The following BMP2K variants were observed in gnomAD, a reference collection of about 807,000 sequenced individuals.
BMP2K encodes the protein BMP-2-inducible protein kinase.
Under a neutral mutation model 116.0 loss-of-function variants are expected in BMP2K, and 74 were observed. The ratio of observed to expected loss-of-function variants is 0.64; its 90% CI spans 0.53 to 0.77. BMP2K has a LOEUF of 0.77. Ranked by LOEUF, BMP2K falls within the 30% of genes least tolerant of loss-of-function variation. The pLI is 0.00. For synonymous variants in BMP2K, 486 were observed against 502.5 expected, an observed-to-expected ratio of 0.97 and a Z score of 0.44; for missense variants, 1,365 against 1,403.6, an observed-to-expected ratio of 0.97 and a Z score of 0.44.
At chr4:78,880,614 C>G (rs1012887946) in intron 14 of BMP2K, among the ~76,000 whole-genome samples, 2 of 152,092 alleles carry the variant, frequency 1.3e-5, no homozygotes, top group Non-Finnish European at 2.9e-5. Flanking sequence ...GTAATGACAT[C>G]AAAGTAGTTT....
intron 1 of BMP2K, among the ~76,000 whole-genome samples, chr4:78,788,208 A>T (rs1359894882): frequency 2.6e-5 from 4 of 152,054 alleles, no homozygotes; most frequent in African/African-American, 4.8e-5. Flanking sequence ...CAGAAAAAAA[A>T]AGTTGCTACT....
At chr4:78,867,547 T>C (rs1560536378) in intron 10 of BMP2K, among the ~76,000 whole-genome samples, 1 of 152,198 alleles carries the variant, frequency 6.6e-6, no homozygotes, top group Non-Finnish European at 1.5e-5. Context: ...TGCATTTTTT[T>C]TTAACATTTC....
Position 78,865,424 on chromosome 4 carries a change from A to G in BMP2K, c.1068-133A>G, listed in dbSNP as rs1731995984. 6.3e-6 allele frequency: 5 copies of G among 797,158 alleles called. No homozygotes were observed. In the East Asian group the frequency reaches 1.3e-4, roughly 22 times the overall value. 49.4% of individuals were successfully genotyped at this position (797,158 alleles called of 1,614,324 possible). ...CGTTTAATACTTGAAAATGAGCCTT[A>G]GGAGAAAGATGAGGACTAATGCGAT... On this transcript the variant is annotated intron_variant, in intron 9 of 15. Transcript: ENST00000502613.
chr4:78,894,771 T>C (rs1028751605), intron 15 of BMP2K, among the ~76,000 whole-genome samples: 1 of 152,230 alleles, frequency 6.6e-6, no homozygotes, highest in Admixed American at 6.5e-5. Context: ...CTATCTCAGC[T>C]TTCAGCGTGC....
At chr4:78,893,958 C>G (rs1406713488) in intron 15 of BMP2K, among the ~76,000 whole-genome samples, 1 of 152,180 alleles carries the variant, frequency 6.6e-6, no homozygotes, top group Non-Finnish European at 1.5e-5. Context: ...TCTTCTTGTA[C>G]TTCTCCATCA....
intron 8 of BMP2K, among the ~76,000 whole-genome samples, chr4:78,860,717 A>T (rs1012846632): frequency 2.8e-4 from 40 of 141,980 alleles, no homozygotes; most frequent in Admixed American, 5.7e-4. Flanking sequence ...GGTTTCCTTT[A>T]TGTGTAACTT....
intron 1 of BMP2K, among the ~76,000 whole-genome samples, chr4:78,781,807 A>G (rs962418119): frequency 1.3e-5 from 2 of 152,142 alleles, no homozygotes; most frequent in African/African-American, 4.8e-5. Flanking sequence ...AGTGATACAG[A>G]TGCTGCCGGT....
intron 5 of BMP2K, among the ~76,000 whole-genome samples, chr4:78,845,511 T>TA (rs1282889402): frequency 5.9e-5 from 9 of 151,616 alleles, no homozygotes. Context: ...TCATCACTGT[T>TA]ACTTTGTAAT....
chr4:78,783,426 T>C (rs750011703), intron 1 of BMP2K, among the ~76,000 whole-genome samples: 5 of 152,228 alleles, frequency 3.3e-5, no homozygotes, highest in Non-Finnish European at 7.3e-5. Flanking sequence ...AAGGACAAGC[T>C]ACTGACACTA....
chr4:78,886,673 G>A (rs1469099594), intron 14 of BMP2K, among the ~76,000 whole-genome samples: 1 of 151,740 alleles, frequency 6.6e-6, no homozygotes, highest in Admixed American at 6.6e-5. Flanking sequence ...GTGTGTGTGC[G>A]AGAGAGAGAA....
In BMP2K at chr4:78,910,837, G is replaced by T. The variant is rs1332063411; in HGVS notation, c.2290G>T (p.Val764Phe). Reference protein sequence around the residue: ...SEEEEQDDEEVLQGEQGDFND... With the variant: ...SEEEEQDDEEFLQGEQGDFND... Reference sequence around the variant, plus strand: ...AGAGGAAGAGCAAGATGATGAAGAAGTTCTTCAGGGGGAACAAGGAGATTT... The same window carrying T: ...AGAGGAAGAGCAAGATGATGAAGAATTTCTTCAGGGGGAACAAGGAGATTT... Residue 764 changes from valine (V) to phenylalanine (F), a missense_variant, in exon 16 of 16, where the codon GTT (valine) becomes TTT (phenylalanine). Coordinates refer to ENST00000502613, the MANE Select transcript of BMP2K (RefSeq NM_198892.2). 6 of 1,613,948 alleles carry T rather than the reference G, an allele frequency of 3.7e-6. No homozygotes were observed. Among genetic ancestry groups the T allele is most frequent in the Non-Finnish European group, 4.2e-6 (5 of 1,179,856 alleles).
Position 78,912,789 on chromosome 4 carries a change from G to A in BMP2K, c.*756G>A, listed in dbSNP as rs1390233093. The stretch of plus-strand genomic sequence containing the variant: ...CAAATTAAAAAAATGGACTATCGTC[G>A]CACAGAAGCCTAGAACAAAAATATG... On this transcript the variant is annotated 3_prime_UTR_variant, in exon 16 of 16. Transcript: ENST00000502613. The A allele has an allele frequency of 9.9e-5, 15 of 151,534 alleles. No homozygotes were observed. The highest frequency in any genetic ancestry group is 1.9e-4 in the East Asian group (1 of 5,144). 9.4% of individuals were successfully genotyped at this position (151,534 alleles called of 1,614,324 possible). A position where few individuals can be genotyped will look rare whatever the true frequency, so the allele number is the denominator to read the frequency against.
At chr4:78,815,117 T>G (rs940165578) in intron 1 of BMP2K, among the ~76,000 whole-genome samples, 1 of 152,200 alleles carries the variant, frequency 6.6e-6, no homozygotes, top group African/African-American at 2.4e-5. Context: ...TGTTACTACT[T>G]TATCTTTAGG....
chr4:78,814,777 A>T (rs1036882671), intron 1 of BMP2K, among the ~76,000 whole-genome samples: 2 of 152,082 alleles, frequency 1.3e-5, no homozygotes, highest in African/African-American at 4.8e-5. Flanking sequence ...GCAAAAAAAA[A>T]TTATATATTA....
At chr4:78,878,949 T>C in intron 14 of BMP2K, 58 bp downstream of exon 14, 2 of 1,567,540 alleles carry the variant, frequency 1.3e-6, no homozygotes, top group Non-Finnish European at 1.7e-6. Context: ...TCTATTATTA[T>C]TCAGCAAGGC....
intron 13 of BMP2K, among the ~76,000 whole-genome samples, chr4:78,876,989 G>T (rs962023200): frequency 3.3e-5 from 5 of 152,056 alleles, no homozygotes; most frequent in African/African-American, 1.2e-4. Context: ...TAACAGAATG[G>T]TAAGTATTTT....
At chr4:78,803,477 C>G (rs984393624) in intron 1 of BMP2K, among the ~76,000 whole-genome samples, 1 of 152,126 alleles carries the variant, frequency 6.6e-6, no homozygotes, top group Non-Finnish European at 1.5e-5. Flanking sequence ...CTTACTGCAA[C>G]CTCTGATTCC....
intron 15 of BMP2K, among the ~76,000 whole-genome samples, chr4:78,892,055 T>A (rs1467633066): frequency 3.3e-5 from 5 of 152,212 alleles, no homozygotes. Flanking sequence ...GAACTTTGGT[T>A]TTCTTTCCTT....
chr4:78,797,750 G>T (rs1728368386), intron 1 of BMP2K, among the ~76,000 whole-genome samples: 1 of 152,076 alleles, frequency 6.6e-6, no homozygotes, highest in Non-Finnish European at 1.5e-5. Flanking sequence ...TTGTAAATGG[G>T]TTGACCTTTC....
Sources: allele counts gnomAD v4.1 joint callset (sites outside exome capture counted in the v4.1 genomes callset), GRCh38; gene constraint gnomAD v4.1.1; transcripts MANE v1.5; gene names NCBI Gene and HGNC (gene_info 2026-07-23, HGNC 2026-07-21).